The following CSTA variants were observed in gnomAD, a reference collection of about 807,000 sequenced individuals.
CSTA encodes the protein cystatin A.
A neutral mutation model predicts 9.2 loss-of-function variants in CSTA; 9 were observed. The ratio of observed to expected loss-of-function variants is 0.97; its 90% CI spans 0.59 to 1.70. CSTA has a LOEUF of 1.70. CSTA is among the 40% of genes most tolerant of loss of function. The pLI, the probability that CSTA is intolerant of heterozygous loss-of-function variation, is 0.00. For synonymous variants in CSTA, 36 were observed against 40.6 expected, an observed-to-expected ratio of 0.89 and a Z score of 0.43; for missense variants, 118 against 113.1, an observed-to-expected ratio of 1.04 and a Z score of -0.20.
Position 122,341,519 on chromosome 3 carries a change from T to C in CSTA, c.249T>C (p.Thr83=). 6.2e-7 allele frequency: 1 copy of C among 1,614,172 alleles called. No homozygotes were observed. The highest frequency in any genetic ancestry group is 1.1e-5 in the South Asian group (1 of 91,082). The change falls in exon 3 of 3, where the codon ACT becomes ACC. Residue 83 remains threonine, a synonymous_variant. Coordinates refer to ENST00000264474, the MANE Select transcript of CSTA (RefSeq NM_005213.4). ...GACAAAATGAGGACTTGGTACTTAC[T>C]GGATACCAGGTTGACAAAAACAAGG... ...LPGQNEDLVL[T]GYQVDKNKDD...
At chr3:122,332,515 G>T (rs1477380117) in intron 1 of CSTA, among the ~76,000 whole-genome samples, 1 of 152,124 alleles carries the variant, frequency 6.6e-6, no homozygotes, top group Non-Finnish European at 1.5e-5. Context: ...CAGTCCTATT[G>T]TTTCTGTAGA....
Position 122,325,252 on chromosome 3 carries a change from T to C in CSTA, c.-41T>C, listed in dbSNP as rs1559979254. The C allele has an allele frequency of 6.3e-7, 1 of 1,599,358 alleles. No individual in the cohort carries two copies. Among genetic ancestry groups the C allele is most frequent in the African/African-American group, 1.3e-5 (1 of 74,566 alleles). ...AGTCTCCACACTTCCCTGTTCACTT[T>C]GGTTCCAGCATCCTGTCCAGCAAAG... On this transcript the variant is annotated 5_prime_UTR_variant, in exon 1 of 3. Coordinates refer to ENST00000264474, the MANE Select transcript of CSTA (RefSeq NM_005213.4).
chr3:122,327,106 TG>T (rs1215690798), intron 1 of CSTA, among the ~76,000 whole-genome samples: 1 of 151,412 alleles, frequency 6.6e-6, no homozygotes, highest in Non-Finnish European at 1.5e-5. Context: ...AGCATGGTGG[TG>T]GGTGCCTGTA....
In CSTA at chr3:122,337,637, TA is replaced by T; in HGVS notation, c.158del (p.Tyr53SerfsTer15). The T allele has an allele frequency of 6.2e-7, 1 of 1,604,358 alleles. No individual in the cohort carries two copies. The highest frequency in any genetic ancestry group is 8.5e-7 in the Non-Finnish European group (1 of 1,171,122). ...YKTQVVAGTN[Y>X]YIKVRAGDNK... ...AACTCAAGTTGTTGCTGGAACAAAT[TA>T]CTACATTAAGGTTAGAGTTCAGCAC... On this transcript the variant is annotated frameshift_variant, in exon 2 of 3. Transcript: ENST00000264474. LOFTEE classifies it low-confidence loss of function (END_TRUNC).
At chr3:122,337,462 G>A in intron 1 of CSTA, 85 bp from the exon 2 acceptor site, 2 of 857,500 alleles carry the variant, frequency 2.3e-6, no homozygotes, top group Non-Finnish European at 3.9e-6. Context: ...AGACTTTTAG[G>A]AGGATGAGGT....
At chr3:122,340,233 A>T (rs1257250144) in intron 2 of CSTA, among the ~76,000 whole-genome samples, 1 of 152,128 alleles carries the variant, frequency 6.6e-6, no homozygotes, top group African/African-American at 2.4e-5. Flanking sequence ...CAGGTCTCAG[A>T]TTCATGTCCA....
chr3:122,339,424 CTG>C (rs2075253114), intron 2 of CSTA, among the ~76,000 whole-genome samples: 1 of 152,220 alleles, frequency 6.6e-6, no homozygotes, highest in Non-Finnish European at 1.5e-5. Flanking sequence ...AACGAAAAAA[CTG>C]AGTTCCAGGG....
chr3:122,337,162 TAA>T (rs1355494283), intron 1 of CSTA, among the ~76,000 whole-genome samples: 2 of 152,236 alleles, frequency 1.3e-5, no homozygotes, highest in Non-Finnish European at 2.9e-5. Flanking sequence ...GTAAATGATA[TAA>T]GAGAATTCAT....
At chr3:122,326,709 T>G (rs1313242491) in intron 1 of CSTA, among the ~76,000 whole-genome samples, 1 of 152,244 alleles carries the variant, frequency 6.6e-6, no homozygotes, top group African/African-American at 2.4e-5. Context: ...AAGTCAGTAA[T>G]GTCTTCATGT....
rs76856102 is a variant in CSTA, at chr3:122,330,694, G to A, written c.66+5336G>A. On this transcript the variant is annotated intron_variant, in intron 1 of 2. Transcript: ENST00000264474. ...TGCTATACTCATCTTTCCTATTTGG[G>A]GAGACAAGTTGTCAGGATGGAAAAC... Among the ~76,000 whole-genome samples, 18 of 152,284 alleles carry A rather than the reference G, an allele frequency of 1.2e-4. No homozygotes were observed. The East Asian group carries it at 3.3e-3, about 28-fold the overall frequency.
chr3:122,330,899 A>G (rs2075200459), intron 1 of CSTA, among the ~76,000 whole-genome samples: 1 of 152,198 alleles, frequency 6.6e-6, no homozygotes, highest in South Asian at 2.1e-4. Flanking sequence ...ATGAAAAGCC[A>G]CAATCTGTAT....
chr3:122,339,003 G>T (rs372447631), intron 2 of CSTA, among the ~76,000 whole-genome samples: 1 of 151,854 alleles, frequency 6.6e-6, no homozygotes, highest in Non-Finnish European at 1.5e-5. Flanking sequence ...CTCAGCCACC[G>T]ATCCCAGTTC....
At chr3:122,338,624 A>G (rs545753581) in intron 2 of CSTA, among the ~76,000 whole-genome samples, 20 of 152,146 alleles carry the variant, frequency 1.3e-4, no homozygotes, top group Non-Finnish European at 2.4e-4. Flanking sequence ...AGTAACGACC[A>G]GGTCCCGGGG....
Position 122,341,863 on chromosome 3 carries a change from GA to G in CSTA, c.*297del, listed in dbSNP as rs1214851936. ...CCTCACCCCCACCATAGGCAGGCTG[GA>G]TCGTGGACTATCAATTCACCAGCCT... On this transcript the variant is annotated 3_prime_UTR_variant, in exon 3 of 3. Transcript: ENST00000264474. 2 of 373,468 alleles carry G rather than the reference GA, an allele frequency of 5.4e-6. No individual in the cohort carries two copies. Among genetic ancestry groups the G allele is most frequent in the African/African-American group, 4.2e-5 (2 of 48,160 alleles). 23.1% of individuals were successfully genotyped at this position (373,468 alleles called of 1,614,324 possible). A position where few individuals can be genotyped will look rare whatever the true frequency, so the allele number is the denominator to read the frequency against.
At chr3:122,327,528 C>CAAAA (rs59568582) in intron 1 of CSTA, among the ~76,000 whole-genome samples, 54 of 43,986 alleles carry the variant, frequency 1.2e-3, no homozygotes, top group African/African-American at 3.3e-3. Flanking sequence ...GACTCCGTCT[C>CAAAA]AAAAAAAAAA....
chr3:122,325,955 T>A (rs186324959), intron 1 of CSTA, among the ~76,000 whole-genome samples: 231 of 152,300 alleles, frequency 1.5e-3, no homozygotes, highest in Non-Finnish European at 2.7e-3. Flanking sequence ...AAATTATATA[T>A]GGAAAAATAG....
intron 1 of CSTA, among the ~76,000 whole-genome samples, chr3:122,325,708 G>A (rs9811434): frequency 0.08 from 12,151 of 152,214 alleles, 781 homozygotes; most frequent in African/African-American, 0.17. Context: ...TGAAGCCAAC[G>A]TGTAATTGAA....
chr3:122,335,958 TACACACACAC>T (rs55707796), intron 1 of CSTA, among the ~76,000 whole-genome samples: 33,641 of 147,276 alleles, frequency 0.23, 3,994 homozygotes, highest in Admixed American at 0.32. Context: ...ATCAGAGGAA[TACACACACAC>T]ACACACACAC....
intron 1 of CSTA, among the ~76,000 whole-genome samples, chr3:122,331,356 C>T (rs2075203873): frequency 1.3e-5 from 2 of 152,096 alleles, no homozygotes; most frequent in Non-Finnish European, 2.9e-5. Context: ...TCCCACTGTC[C>T]CACACCCAAA....
Sources: gnomAD v4.1 joint callset for allele counts (sites outside exome capture counted in the v4.1 genomes callset) on GRCh38, gnomAD v4.1.1 for gene constraint, MANE v1.5 for transcripts, NCBI Gene and HGNC (gene_info 2026-07-23, HGNC 2026-07-21) for gene names.